The following DHX30 variants were observed in gnomAD, a reference collection of about 807,000 sequenced individuals.
The protein encoded by DHX30 is DExH-box helicase 30.
DHX30 carries 4 observed loss-of-function variants against 116.9 expected under a neutral mutation model. The ratio of observed to expected loss-of-function variants is 0.03; its 90% CI spans 0.02 to 0.08. The LOEUF is 0.08. Ranked by LOEUF, DHX30 falls within the 10% of genes least tolerant of loss-of-function variation. The probability of loss-of-function intolerance (pLI) is 1.00; values close to 1 mark genes in which losing one functional copy is unlikely to be tolerated. For missense variants in DHX30, 871 were observed against 1,595.1 expected (o/e 0.55, Z 7.73); for synonymous variants, 697 against 651.7 (o/e 1.07, Z -1.06).
At position 47,846,282 on chromosome 3, in the gene DHX30, C is replaced by G. The variant is rs1166140380; in HGVS notation, c.1210C>G (p.Pro404Ala). 6.2e-7 allele frequency: 1 copy of G among 1,614,120 alleles called. No individual in the cohort carries two copies. The highest frequency in any genetic ancestry group is 2.2e-5 in the East Asian group (1 of 44,900). The change falls in exon 11 of 22, where the codon CCC becomes GCC. Residue 404 changes from proline to alanine, a missense_variant. Transcript: ENST00000445061. ...SDPITGKPYV[P>A]LLEAEEVRLS... ...CCCTATCACAGGCAAGCCCTATGTG[C>G]CCCTGTTGGAAGCAGAGGAGGTACG...
At chr3:47,825,312 G>A (rs1230852717) in intron 4 of DHX30, 9 of 538,786 alleles carry the variant, frequency 1.7e-5, no homozygotes, top group Non-Finnish European at 2.9e-5. Flanking sequence ...CAGAGCTAGG[G>A]GCGCGGGCCG....
intron 6 of DHX30, among the ~76,000 whole-genome samples, chr3:47,838,042 C>T (rs1300588036): frequency 1.3e-5 from 2 of 152,112 alleles, no homozygotes; most frequent in South Asian, 2.1e-4. Context: ...AGGGGGAGAA[C>T]GGTGCTGTCC....
chr3:47,835,142 TAC>T lies in DHX30; in HGVS notation c.367-5733_367-5732del, dbSNP rs1278289252. On this transcript the variant is annotated intron_variant, in intron 6 of 21. Coordinates refer to ENST00000445061, the MANE Select transcript of DHX30 (RefSeq NM_138615.3). ...CCTCAGCCTCCCGAGTGCCTGGGAT[TAC>T]AGGCATGTGCCATCATGCCTGGCTA... 5.3e-5 allele frequency among the ~76,000 whole-genome samples: 8 copies of T among 151,738 alleles called. No individual in the cohort carries two copies. The East Asian group carries it at 1.4e-3, about 26-fold the overall frequency.
chr3:47,818,759 T>G (rs2036165860), intron 4 of DHX30, among the ~76,000 whole-genome samples: 1 of 152,136 alleles, frequency 6.6e-6, no homozygotes, highest in Admixed American at 6.6e-5. Context: ...CATGAGCGCC[T>G]CCTCTTCTCC....
intron 6 of DHX30, among the ~76,000 whole-genome samples, chr3:47,837,566 G>A (rs2037178221): frequency 6.6e-6 from 1 of 152,204 alleles, no homozygotes; most frequent in African/African-American, 2.4e-5. Flanking sequence ...CTCGAGAGCA[G>A]CCTGGCCGAC....
intron 9 of DHX30, chr3:47,845,419 T>TGA (rs2037561670): frequency 4.6e-6 from 1 of 219,200 alleles, no homozygotes; most frequent in Non-Finnish European, 9.0e-6. Flanking sequence ...ACCCCTGACC[T>TGA]CAGGTGATTT....
chr3:47,845,705 G>C lies in DHX30; in HGVS notation c.945G>C (p.Leu315=). 6.3e-7 allele frequency: 1 copy of C among 1,599,314 alleles called. No homozygotes were observed. The highest frequency in any genetic ancestry group is 8.6e-7 in the Non-Finnish European group (1 of 1,168,436). ...AALACKKLKS[L]GLVDRNNEPL... Reference sequence around the variant, plus strand: ...TCTTGCATGTCCCCCTGCAGAGCCTGGGCCTGGTGGACAGGAACAACGAAC... The same window carrying C: ...TCTTGCATGTCCCCCTGCAGAGCCTCGGCCTGGTGGACAGGAACAACGAAC... Residue 315 remains leucine (L), a synonymous_variant, in exon 10 of 22, where the codon CTG becomes CTC. Transcript: ENST00000445061.
At chr3:47,840,429 G>A (rs1447230818) in intron 6 of DHX30, among the ~76,000 whole-genome samples, 5 of 151,738 alleles carry the variant, frequency 3.3e-5, no homozygotes, top group Admixed American at 6.6e-5. Context: ...CGGATCTGTT[G>A]GGTCCAGGAG....
chr3:47,841,201 C>G, intron 7 of DHX30, 23 bp downstream of exon 7: 1 of 1,609,860 alleles, frequency 6.2e-7, no homozygotes, highest in African/African-American at 1.3e-5. Context: ...GATGGGGATG[C>G]AGCAGAGGCT....
chr3:47,844,398 C>T (rs1215870204), intron 9 of DHX30, among the ~76,000 whole-genome samples: 2 of 152,240 alleles, frequency 1.3e-5, no homozygotes, highest in East Asian at 1.9e-4. Context: ...GCAGAAGCAC[C>T]TTGGCATGGT....
chr3:47,846,100 GTGGC>G (rs2037593328), intron 10 of DHX30, 61 bp from the exon 11 acceptor site: 2 of 1,534,958 alleles, frequency 1.3e-6, no homozygotes, highest in African/African-American at 2.7e-5. Flanking sequence ...ATCCTGCAGA[GTGGC>G]TGGTTGTGTG....
rs1229127113 is a variant in DHX30 at position 47,805,380 on chromosome 3, C to T, written c.-68C>T. ...GCAAGGAGAGAATTCAGCTCCAGTT[C>T]AAAAGCCTACAAAATCTGAGACTGT... On this transcript the variant is annotated 5_prime_UTR_variant, in exon 2 of 22. Transcript: ENST00000445061. 2.5e-6 allele frequency: 1 copy of T among 398,984 alleles called. No individual in the cohort carries two copies. Among genetic ancestry groups the T allele is most frequent in the African/African-American group, 2.1e-5 (1 of 48,622 alleles). The allele number at this position is 398,984 out of a possible 1,614,324, so 24.7% of individuals were successfully genotyped here.
chr3:47,848,786 G>C lies in DHX30; in HGVS notation c.2738G>C (p.Ser913Thr). ...TGCCTCACCCGGGACCCCTTCAGCA[G>C]CAGCCTACAGAACCGGGCAGAGGTG... ...VSCLTRDPFS[S>T]SLQNRAEVDK... Residue 913 changes from serine to threonine, a missense_variant, in exon 17 of 22, where the codon AGC becomes ACC. Coordinates refer to ENST00000445061, the MANE Select transcript of DHX30 (RefSeq NM_138615.3). This position sits in a 1 kb window ranked among gnomAD's most constrained non-coding sequence, Gnocchi z 9.4. The C allele has an allele frequency of 1.9e-6, 3 of 1,614,000 alleles. No homozygotes were observed. In the South Asian group the frequency reaches 3.3e-5, roughly 18 times the overall value.
intron 2 of DHX30, among the ~76,000 whole-genome samples, chr3:47,809,965 T>C (rs952866740): frequency 1.2e-4 from 18 of 152,344 alleles, no homozygotes; most frequent in African/African-American, 4.8e-5. Context: ...TTTTTTTTCT[T>C]GTCATCTCTA....
intron 6 of DHX30, among the ~76,000 whole-genome samples, chr3:47,830,082 G>A (rs2036773679): frequency 6.6e-6 from 1 of 150,998 alleles, no homozygotes; most frequent in African/African-American, 2.4e-5. Context: ...TGCCTACCTC[G>A]GCCTCCCAAA....
In DHX30 at chr3:47,850,177, C is replaced by CTATT. The variant is rs2038091877; in HGVS notation, c.*61_*64dup. On this transcript the variant is annotated 3_prime_UTR_variant, in exon 22 of 22. Transcript: ENST00000445061. Reference sequence around the variant, plus strand: ...GCAAATGTTTATTTAAAATAAAGTTCTATTTATCCCTTGTGACCACTGCTG... The same window carrying CTATT: ...GCAAATGTTTATTTAAAATAAAGTTCTATTTATTTATCCCTTGTGACCACTGCTG... 2.0e-6 allele frequency: 3 copies of CTATT among 1,489,740 alleles called. No homozygotes were observed. Among genetic ancestry groups the CTATT allele is most frequent in the Non-Finnish European group, 2.7e-6 (3 of 1,119,070 alleles). The allele number at this position is 1,489,740 out of a possible 1,614,324, so 92.3% of individuals were successfully genotyped here. A position where few individuals can be genotyped will look rare whatever the true frequency, so the allele number is the denominator to read the frequency against.
chr3:47,828,880 T>C, intron 5 of DHX30, 144 bp from the exon 6 acceptor site: 1 of 636,860 alleles, frequency 1.6e-6, no homozygotes, highest in Non-Finnish European at 2.9e-6. Flanking sequence ...TGGGGTTCTG[T>C]CCTCTGTTCT....
Position 47,829,035 on chromosome 3 carries a change from G to T in DHX30, c.267G>T (p.Leu89=), listed in dbSNP as rs775769512. 1 of 1,607,644 alleles carries T rather than the reference G, an allele frequency of 6.2e-7. No homozygotes were observed. The highest frequency in any genetic ancestry group is 8.5e-7 in the Non-Finnish European group (1 of 1,175,986). Residue 89 remains leucine (L), a synonymous_variant, in exon 6 of 22, where the codon CTG becomes CTT. Transcript: ENST00000445061. ...CTTCTCTTCCCCAGAAAGTCACACT[G>T]CACATAAAATGGCCCAAGAGCGTGG... The part of the protein sequence containing the change: ...TNGPKKKKVT[L]HIKWPKSVEV...
chr3:47,850,053 C>T lies in DHX30; in HGVS notation c.3518C>T (p.Ala1173Val), dbSNP rs1576533410. 1.2e-6 allele frequency: 2 copies of T among 1,600,020 alleles called. No homozygotes were observed. The highest frequency in any genetic ancestry group is 1.7e-6 in the Non-Finnish European group (2 of 1,175,024). The stretch of plus-strand genomic sequence containing the variant: ...CAGGAGGAGCACGGGCAGCTGCTTG[C>T]GCTACTGGCAGAGCTGCTGCGAGGA... ...SVQEEHGQLL[A>V]LLAELLRGPC... The change falls in exon 22 of 22, where the codon GCG becomes GTG. Residue 1173 changes from alanine to valine, a missense_variant. By Grantham distance (64) the Ala-to-Val change is moderately conservative. Transcript: ENST00000445061.
Sources: gnomAD v4.1 joint callset for allele counts (sites outside exome capture counted in the v4.1 genomes callset) on GRCh38, gnomAD v4.1.1 for gene constraint, Gnocchi (gnomAD v3.1) non-coding constraint, MANE v1.5 for transcripts, NCBI Gene and HGNC (gene_info 2026-07-23, HGNC 2026-07-21) for gene names.